The following GALNTL6 variants were observed in gnomAD, a reference collection of about 807,000 sequenced individuals.
The protein encoded by GALNTL6 is polypeptide N-acetylgalactosaminyltransferase like 6.
In GALNTL6, 46 loss-of-function variants were observed where a neutral mutation model predicts 73.7. That is an observed-to-expected ratio of 0.62 (90% CI 0.49 to 0.80). The LOEUF is 0.80. Ranked by LOEUF, GALNTL6 falls within the 30% of genes least tolerant of loss-of-function variation. GALNTL6 has a pLI of 0.00. For missense variants in GALNTL6, 604 were observed against 755.0 expected (o/e 0.80, Z 2.34); for synonymous variants, 259 against 263.7 (o/e 0.98, Z 0.17).
intron 2 of GALNTL6, among the ~76,000 whole-genome samples, chr4:172,058,547 TG>T (rs1731100772): frequency 6.6e-6 from 1 of 152,142 alleles, no homozygotes; most frequent in Non-Finnish European, 1.5e-5. Flanking sequence ...TGTGTGTGTG[TG>T]CATGTACACT....
intron 8 of GALNTL6, among the ~76,000 whole-genome samples, chr4:172,893,991 A>G (rs1198666659): frequency 6.6e-6 from 1 of 152,152 alleles, no homozygotes; most frequent in Non-Finnish European, 1.5e-5. Flanking sequence ...AGCATTCACC[A>G]ACTCCAGGCA....
intron 7 of GALNTL6, among the ~76,000 whole-genome samples, chr4:172,834,080 G>T (rs1742780686): frequency 6.6e-6 from 1 of 152,142 alleles, no homozygotes; most frequent in South Asian, 2.1e-4. Context: ...TTGCACTATT[G>T]CACTCCAGCC....
At chr4:173,025,842 A>G (rs1157396614) in intron 12 of GALNTL6, among the ~76,000 whole-genome samples, 3 of 151,876 alleles carry the variant, frequency 2.0e-5, no homozygotes, top group Admixed American at 2.0e-4. Context: ...ATGACTTTCA[A>G]GTGCTTCACC....
intron 12 of GALNTL6, among the ~76,000 whole-genome samples, chr4:173,022,058 G>GCAAGGAAGGAAGGAAA (rs1753017237): frequency 9.9e-6 from 1 of 101,194 alleles, no homozygotes; most frequent in African/African-American, 3.8e-5. Context: ...AAGGAAGGAA[G>GCAAGGAAGGAAGGAAA]GAAGGAAGGA....
intron 5 of GALNTL6, among the ~76,000 whole-genome samples, chr4:172,567,699 G>A (rs549140365): frequency 6.6e-6 from 1 of 152,180 alleles, no homozygotes; most frequent in Admixed American, 6.5e-5. Flanking sequence ...AACTGGGCAT[G>A]GTAGCAGGTG....
intron 5 of GALNTL6, among the ~76,000 whole-genome samples, chr4:172,495,858 T>A (rs1734055574): frequency 6.6e-6 from 1 of 152,128 alleles, no homozygotes; most frequent in African/African-American, 2.4e-5. Flanking sequence ...GGGAAAAAAA[T>A]TAAAGATGGT....
At chr4:172,477,607 C>A (rs1733286042) in intron 5 of GALNTL6, among the ~76,000 whole-genome samples, 1 of 152,322 alleles carries the variant, frequency 6.6e-6, no homozygotes, top group East Asian at 1.9e-4. Context: ...CACTCTCCCA[C>A]CTTAACCTCA....
At chr4:172,256,813 A>G (rs1738095628) in intron 3 of GALNTL6, among the ~76,000 whole-genome samples, 1 of 151,266 alleles carries the variant, frequency 6.6e-6, no homozygotes, top group African/African-American at 2.4e-5. Flanking sequence ...TTGATTAGAT[A>G]GAGTATTGCT....
At chr4:171,966,291 G>T (rs1739379348) in intron 2 of GALNTL6, among the ~76,000 whole-genome samples, 2 of 152,132 alleles carry the variant, frequency 1.3e-5, no homozygotes, top group South Asian at 4.1e-4. Context: ...AGTGTTTGTT[G>T]GAGTTTGTGT....
intron 5 of GALNTL6, among the ~76,000 whole-genome samples, chr4:172,587,198 A>C (rs1489255338): frequency 2.6e-5 from 4 of 152,230 alleles, no homozygotes; most frequent in African/African-American, 9.6e-5. Flanking sequence ...ACAGATATGA[A>C]GGAAACCATA....
intron 5 of GALNTL6, among the ~76,000 whole-genome samples, chr4:172,514,219 T>C (rs950370902): frequency 6.6e-6 from 1 of 152,138 alleles, no homozygotes; most frequent in African/African-American, 2.4e-5. Flanking sequence ...TGAAAAACCA[T>C]CAGGTGAGGG....
At chr4:172,817,433 G>A (rs1393650757) in intron 7 of GALNTL6, among the ~76,000 whole-genome samples, 2 of 151,736 alleles carry the variant, frequency 1.3e-5, no homozygotes, top group Non-Finnish European at 2.9e-5. Flanking sequence ...AAAAAAAAAA[G>A]TTGAATTAAA....
At chr4:172,615,147 T>C (rs899062401) in intron 5 of GALNTL6, among the ~76,000 whole-genome samples, 3 of 147,288 alleles carry the variant, frequency 2.0e-5, no homozygotes, top group Non-Finnish European at 4.5e-5. Context: ...ATCTAGGTAA[T>C]ACAAAGTCCC....
At chr4:172,529,269 G>C (rs1735087947) in intron 5 of GALNTL6, among the ~76,000 whole-genome samples, 1 of 151,588 alleles carries the variant, frequency 6.6e-6, no homozygotes, top group East Asian at 1.9e-4. Flanking sequence ...TTAAAAACTG[G>C]TAATACATTT....
At chr4:172,158,456 A>G (rs773085396) in intron 2 of GALNTL6, among the ~76,000 whole-genome samples, 27 of 151,826 alleles carry the variant, frequency 1.8e-4, no homozygotes, top group Non-Finnish European at 4.0e-4. Context: ...TGACTTTTCC[A>G]TATCAAACTG....
chr4:171,944,129 A>G (rs922953094), intron 2 of GALNTL6, among the ~76,000 whole-genome samples: 2 of 151,904 alleles, frequency 1.3e-5, no homozygotes, highest in East Asian at 1.9e-4. Flanking sequence ...TTTTCATTAT[A>G]AAAAAAAGCA....
chr4:172,361,611 A>G (rs939788795), intron 5 of GALNTL6, among the ~76,000 whole-genome samples: 1 of 152,154 alleles, frequency 6.6e-6, no homozygotes, highest in African/African-American at 2.4e-5. Flanking sequence ...ATGATGAATA[A>G]TATCAGTGTA....
chr4:171,912,047 CT>C (rs1737489409), intron 2 of GALNTL6, among the ~76,000 whole-genome samples: 1 of 152,030 alleles, frequency 6.6e-6, no homozygotes, highest in African/African-American at 2.4e-5. Flanking sequence ...TCTGCTTAAT[CT>C]TAAAAATACT....
intron 2 of GALNTL6, among the ~76,000 whole-genome samples, chr4:172,145,015 T>C (rs1733892985): frequency 6.6e-6 from 1 of 152,168 alleles, no homozygotes; most frequent in South Asian, 2.1e-4. Context: ...TGGAGTACAC[T>C]GGTGTGATCA....
Sources: allele counts gnomAD v4.1 joint callset (sites outside exome capture counted in the v4.1 genomes callset), GRCh38; gene constraint gnomAD v4.1.1; transcripts MANE v1.5; gene names NCBI Gene and HGNC (gene_info 2026-07-23, HGNC 2026-07-21).